The following LRP4 variants were observed in gnomAD, a reference collection of about 807,000 sequenced individuals.
LRP4 encodes LDL receptor related protein 4.
Under a neutral mutation model 220.3 loss-of-function variants are expected in LRP4, and 95 were observed. The ratio of observed to expected loss-of-function variants is 0.43; its 90% CI spans 0.37 to 0.51. The LOEUF (loss-of-function observed/expected upper bound fraction) is 0.51, where lower values mean the gene tolerates loss of function less well. Ranked by LOEUF, LRP4 falls within the 20% of genes least tolerant of loss-of-function variation. LRP4 has a pLI of 0.00. For synonymous variants in LRP4, 903 were observed against 954.6 expected, an observed-to-expected ratio of 0.95 and a Z score of 1.00; for missense variants, 1,925 against 2,567.0, an observed-to-expected ratio of 0.75 and a Z score of 5.40.
chr11:46,885,545 G>A (rs1035759784), intron 18 of LRP4, among the ~76,000 whole-genome samples: 11 of 152,182 alleles, frequency 7.2e-5, no homozygotes, highest in East Asian at 1.9e-4. Context: ...AGGCTAAGGC[G>A]GGTGGATCAC....
rs1459106877 is a variant in LRP4 at position 46,890,013 on chromosome 11, C to T, written c.2023G>A (p.Glu675Lys). The change falls in exon 15 of 38, where the codon GAA becomes AAA. Residue 675 changes from glutamate (E) to lysine (K), a missense_variant. By Grantham distance (56) the Glu-to-Lys change is moderately conservative. Transcript: ENST00000378623. This position sits in a 1 kb window ranked among gnomAD's most constrained non-coding sequence, Gnocchi z 5.3. ...SANKFTGKNQ[E>K]IIRNKLHFPM... ...AAGTGGAGTTTGTTGCGAATGATTT[C>T]CTGGTTCTTCCCCGTAAATTTGTTA... 1 of 1,613,934 alleles carries T rather than the reference C, an allele frequency of 6.2e-7. No individual in the cohort carries two copies. The highest frequency in any genetic ancestry group is 8.5e-7 in the Non-Finnish European group (1 of 1,180,024).
intron 37 of LRP4, among the ~76,000 whole-genome samples, chr11:46,862,068 C>CAAAAAAAA (rs35296081): frequency 2.8e-4 from 18 of 63,688 alleles, no homozygotes; most frequent in Non-Finnish European, 3.3e-4. Context: ...AACTCTGTCT[C>CAAAAAAAA]AAAAAAAAAA....
chr11:46,874,794 T>G lies in LRP4; in HGVS notation c.4229+6A>C. 1.2e-6 allele frequency: 2 copies of G among 1,613,342 alleles called. No individual in the cohort carries two copies. Among genetic ancestry groups the G allele is most frequent in the African/African-American group, 2.7e-5 (2 of 75,038 alleles). On this transcript the variant is annotated splice_donor_region_variant and intron_variant, in intron 28 of 37. Transcript: ENST00000378623. ...TGTCTTCTGGAGGTTTCAGTGTTGC[T>G]CATACCTGATAACATCCAGGAACAC...
intron 1 of LRP4, among the ~76,000 whole-genome samples, chr11:46,915,887 C>T (rs1941939768): frequency 6.6e-6 from 1 of 152,180 alleles, no homozygotes; most frequent in South Asian, 2.1e-4. Context: ...ACATTTATCA[C>T]AACTGCTGTC....
At chr11:46,865,235 G>A in intron 34 of LRP4, 49 bp from the exon 35 acceptor site, 1 of 1,359,790 alleles carries the variant, frequency 7.4e-7, no homozygotes, top group Non-Finnish European at 1.0e-6. Context: ...ACTCAGTGAA[G>A]GTCATGCCTT....
chr11:46,884,503 G>A lies in LRP4; in HGVS notation c.2507-527C>T, dbSNP rs538239633. Among the ~76,000 whole-genome samples, 9 of 152,070 alleles carry A rather than the reference G, an allele frequency of 5.9e-5. No individual in the cohort carries two copies. In the South Asian group the frequency reaches 1.5e-3, roughly 25 times the overall value. Reference sequence around the variant, plus strand: ...TGTAATCCCAGCAGTTTGGGAGGCCGAGGCGGGTGGATCACGAGATTAGGA... The same window carrying A: ...TGTAATCCCAGCAGTTTGGGAGGCCAAGGCGGGTGGATCACGAGATTAGGA... On this transcript the variant is annotated intron_variant, in intron 18 of 37. Coordinates refer to ENST00000378623, the MANE Select transcript of LRP4 (RefSeq NM_002334.4).
chr11:46,861,523 CTTT>C (rs576719115), intron 37 of LRP4, among the ~76,000 whole-genome samples: 10 of 83,492 alleles, frequency 1.2e-4, no homozygotes, highest in African/African-American at 4.7e-4. Flanking sequence ...GGAAATGGGA[CTTT>C]TTTTTTTTTT....
chr11:46,894,748 T>C lies in LRP4; in HGVS notation c.1381A>G (p.Thr461Ala), dbSNP rs267607223. The C allele has an allele frequency of 1.2e-6, 2 of 1,614,228 alleles. No homozygotes were observed. Among genetic ancestry groups the C allele is most frequent in the Middle Eastern group, 1.6e-4 (1 of 6,062 alleles). The change falls in exon 12 of 38, where the codon ACA (threonine) becomes GCA (alanine). Residue 461 changes from threonine to alanine, a missense_variant. Physicochemically the swap from Thr to Ala is moderately conservative, Grantham distance 58 (BLOSUM62 0). Coordinates refer to ENST00000378623, the MANE Select transcript of LRP4 (RefSeq NM_002334.4). The stretch of plus-strand genomic sequence containing the variant: ...TTCTCCAGGTTGTTAAGCAGCAGTG[T>C]GTACTCAGAGCGGTGTGGCAGCACC... The part of the protein sequence containing the change: ...RQVLPHRSEY[T>A]LLLNNLENAI...
intron 32 of LRP4, 77 bp downstream of exon 32, chr11:46,868,911 T>G (rs1940781673): frequency 6.3e-7 from 1 of 1,591,136 alleles, no homozygotes; most frequent in Non-Finnish European, 8.6e-7. Flanking sequence ...CTAACTGTCT[T>G]GGTCCCTAAC....
At chr11:46,882,290 T>TG (rs1941179600) in intron 19 of LRP4, among the ~76,000 whole-genome samples, 1 of 151,776 alleles carries the variant, frequency 6.6e-6, no homozygotes, top group Non-Finnish European at 1.5e-5. Flanking sequence ...GAGACCAGCC[T>TG]GGGCAACATA....
chr11:46,895,127 G>A (rs374311207), intron 11 of LRP4, 39 bp downstream of exon 11: 21 of 1,612,186 alleles, frequency 1.3e-5, no homozygotes, highest in African/African-American at 5.3e-5. Flanking sequence ...CTCCATGCTC[G>A]GCCCTCTGCC....
chr11:46,891,362 C>T (rs111970777), intron 13 of LRP4, among the ~76,000 whole-genome samples: 7,731 of 151,832 alleles, frequency 0.051, 661 homozygotes, highest in African/African-American at 0.18. Context: ...GATCCACCTG[C>T]CTCGGCCTCC....
Position 46,873,456 on chromosome 11 carries a change from C to T in LRP4, c.4367G>A (p.Arg1456Lys). The T allele has an allele frequency of 6.2e-7, 1 of 1,614,234 alleles. No homozygotes were observed. The highest frequency in any genetic ancestry group is 1.7e-5 in the Admixed American group (1 of 60,028). Residue 1456 changes from arginine (R) to lysine (K), a missense_variant, in exon 29 of 38, where the codon AGG (arginine) becomes AAG (lysine). Around this residue, in one of 3 missense-constraint regions of LRP4, gnomAD observed 1,244 missense variants for 1,624.9 expected, o/e 0.77. Coordinates refer to ENST00000378623, the MANE Select transcript of LRP4 (RefSeq NM_002334.4). This position sits in a 1 kb window ranked among gnomAD's most constrained non-coding sequence, Gnocchi z 4.2. Reference sequence around the variant, plus strand: ...TACTTTGCGGCAGGAACCATCCAGCCTGGACGCCTCAATGGTATTTCGACC... The same window carrying T: ...TACTTTGCGGCAGGAACCATCCAGCTTGGACGCCTCAATGGTATTTCGACC... ...DTGRNTIEAS[R>K]LDGSCRKVLI...
chr11:46,918,022 C>A lies in LRP4; in HGVS notation c.52+306G>T, dbSNP rs954277111. The stretch of plus-strand genomic sequence containing the variant: ...CCGACCTAACCTGAAAGGGAAGCAG[C>A]CCCCGCTCTTGAAAGAGCAGCGAGG... On this transcript the variant is annotated intron_variant, in intron 1 of 37. Coordinates refer to ENST00000378623, the MANE Select transcript of LRP4 (RefSeq NM_002334.4). This position sits in a 1 kb window ranked among gnomAD's most constrained non-coding sequence, Gnocchi z 6.0. Among the ~76,000 whole-genome samples the A allele has an allele frequency of 6.6e-6, 1 of 152,220 alleles. No homozygotes were observed.
rs61746928 is a variant in LRP4, at chr11:46,875,564, G to A, written c.3817C>T (p.Arg1273Trp). 2 of 1,614,078 alleles carry A rather than the reference G, an allele frequency of 1.2e-6. No individual in the cohort carries two copies. The highest frequency in any genetic ancestry group is 1.7e-6 in the Non-Finnish European group (2 of 1,180,006). The change falls in exon 27 of 38, where the codon CGG becomes TGG. Residue 1273 changes from arginine to tryptophan, a missense_variant. Arg to Trp is a moderately radical substitution (Grantham distance 101). Transcript: ENST00000378623. The surrounding 1 kb of genome is among the most constrained non-coding windows in gnomAD (Gnocchi z 4.5). ...CCCTTGTCAGCACGGTGGATGCTCC[G>A]AGTCTGCCAGTCAGTCCAGTAGATA... ...SYIYWTDWQTRSIHRADKGTG... is the reference protein window; with the variant it reads ...SYIYWTDWQTWSIHRADKGTG...
At position 46,914,818 on chromosome 11, in the gene LRP4, G is replaced by C. The variant is rs1941921989; in HGVS notation, c.52+3510C>G. 2.6e-5 allele frequency among the ~76,000 whole-genome samples: 4 copies of C among 151,958 alleles called. No individual in the cohort carries two copies. The South Asian group carries it at 8.3e-4, about 31-fold the overall frequency. On this transcript the variant is annotated intron_variant, in intron 1 of 37. Coordinates refer to ENST00000378623, the MANE Select transcript of LRP4 (RefSeq NM_002334.4). ...TTCTTAAAGTAGTCCCTGAAATTCTGTTCCTATTCAGGAACCCCCAGTATT... is the reference window on the plus strand; with the variant it reads ...TTCTTAAAGTAGTCCCTGAAATTCTCTTCCTATTCAGGAACCCCCAGTATT...
Position 46,894,731 on chromosome 11 carries a change from G to T in LRP4, c.1398C>A (p.Asn466Lys). The T allele has an allele frequency of 6.2e-7, 1 of 1,614,218 alleles. No individual in the cohort carries two copies. The highest frequency in any genetic ancestry group is 2.2e-5 in the East Asian group (1 of 44,886). ...AATCAAGGGCAATGGCATTCTCCAG[G>T]TTGTTAAGCAGCAGTGTGTACTCAG... Reference protein sequence around the residue: ...HRSEYTLLLNNLENAIALDFH... With the variant: ...HRSEYTLLLNKLENAIALDFH... The change falls in exon 12 of 38, where the codon AAC (asparagine) becomes AAA (lysine). Residue 466 changes from asparagine to lysine, a missense_variant. Around this residue, in one of 3 missense-constraint regions of LRP4, gnomAD observed 269 missense variants for 436.7 expected, o/e 0.62. Coordinates refer to ENST00000378623, the MANE Select transcript of LRP4 (RefSeq NM_002334.4).
chr11:46,898,449 G>T, intron 7 of LRP4, 109 bp downstream of exon 7: 1 of 1,495,472 alleles, frequency 6.7e-7, no homozygotes, highest in Non-Finnish European at 9.2e-7. Context: ...GTCTCCCAAA[G>T]TGCTGGCATT....
chr11:46,894,543 G>T (rs557820009), intron 12 of LRP4, 46 bp downstream of exon 12: 3 of 1,433,622 alleles, frequency 2.1e-6, no homozygotes, highest in East Asian at 2.4e-5. Context: ...CCGTTGCTGC[G>T]CATGTGGCAT....
Sources: gnomAD v4.1 joint callset for allele counts (sites outside exome capture counted in the v4.1 genomes callset) on GRCh38, gnomAD v4.1.1 for gene constraint, gnomAD v4.1.1 regional missense constraint, Gnocchi (gnomAD v3.1) non-coding constraint, MANE v1.5 for transcripts, NCBI Gene and HGNC (gene_info 2026-07-23, HGNC 2026-07-21) for gene names.